CYP19A1: variants seen among roughly 807,000 people sequenced by gnomAD.
CYP19A1 encodes cytochrome P450 family 19 subfamily A member 1.
Under a neutral mutation model 44.4 loss-of-function variants are expected in CYP19A1, and 32 were observed. That is an observed-to-expected ratio of 0.72 (90% CI 0.54 to 0.97). The LOEUF (loss-of-function observed/expected upper bound fraction) is 0.97, where lower values mean the gene tolerates loss of function less well. CYP19A1 is among the 50% of genes least tolerant of loss of function. CYP19A1 has a pLI of 0.00. For synonymous variants in CYP19A1, 212 were observed against 215.6 expected (o/e 0.98, Z 0.14); for missense variants, 598 against 637.8 (o/e 0.94, Z 0.67).
chr15:51,286,031 C>A (rs188499116), intron 1 of CYP19A1, among the ~76,000 whole-genome samples: 1 of 152,234 alleles, frequency 6.6e-6, no homozygotes, highest in Admixed American at 6.5e-5. Context: ...ACATGCATAC[C>A]CACCAGTTCT....
intron 4 of CYP19A1, 138 bp from the exon 5 acceptor site, chr15:51,222,663 T>G: frequency 1.4e-6 from 1 of 731,202 alleles, no homozygotes; most frequent in Non-Finnish European, 2.4e-6. Flanking sequence ...TTCATAATAT[T>G]TTCGTATGCT....
intron 1 of CYP19A1, among the ~76,000 whole-genome samples, chr15:51,326,356 A>G (rs981254921): frequency 6.6e-5 from 10 of 152,252 alleles, no homozygotes; most frequent in African/African-American, 2.4e-4. Context: ...GGGCTGCCTC[A>G]GATGTCCAGA....
At chr15:51,319,272 A>C (rs1380010834) in intron 1 of CYP19A1, among the ~76,000 whole-genome samples, 1 of 152,242 alleles carries the variant, frequency 6.6e-6, no homozygotes, top group African/African-American at 2.4e-5. Flanking sequence ...GCAGATTTTA[A>C]TAGTTATTAA....
chr15:51,241,540 TC>T (rs778976173), intron 2 of CYP19A1, among the ~76,000 whole-genome samples: 6 of 151,976 alleles, frequency 3.9e-5, no homozygotes, highest in Non-Finnish European at 8.8e-5. Flanking sequence ...AAAAAGGCTC[TC>T]CACCCCCACC....
intron 1 of CYP19A1, among the ~76,000 whole-genome samples, chr15:51,249,940 C>T (rs1464412438): frequency 6.6e-6 from 1 of 152,166 alleles, no homozygotes; most frequent in African/African-American, 2.4e-5. Flanking sequence ...AGCAAGCTTC[C>T]AGTGATTCCC....
intron 1 of CYP19A1, among the ~76,000 whole-genome samples, chr15:51,333,637 G>T (rs2036734689): frequency 1.3e-5 from 2 of 152,198 alleles, no homozygotes; most frequent in Non-Finnish European, 2.9e-5. Flanking sequence ...CCTGGTGGAG[G>T]TCAGAGATCA....
At chr15:51,307,081 A>G (rs2036229310) in intron 1 of CYP19A1, among the ~76,000 whole-genome samples, 1 of 152,236 alleles carries the variant, frequency 6.6e-6, no homozygotes, top group African/African-American at 2.4e-5. Context: ...TTGATCGCTG[A>G]GTCTAGACCT....
chr15:51,265,134 C>T (rs535051704), intron 1 of CYP19A1, among the ~76,000 whole-genome samples: 1 of 152,348 alleles, frequency 6.6e-6, no homozygotes, highest in East Asian at 1.9e-4. Flanking sequence ...CCTAACTTCC[C>T]AAGCACACTG....
intron 1 of CYP19A1, among the ~76,000 whole-genome samples, chr15:51,269,023 A>C (rs2035029243): frequency 6.6e-6 from 1 of 151,926 alleles, no homozygotes; most frequent in African/African-American, 2.4e-5. Flanking sequence ...TCTATTGAGG[A>C]TTAAGTTTTA....
intron 1 of CYP19A1, among the ~76,000 whole-genome samples, chr15:51,250,918 A>T (rs1043454520): frequency 6.6e-6 from 1 of 152,198 alleles, no homozygotes; most frequent in African/African-American, 2.4e-5. Context: ...CTGGGCTTTT[A>T]ACCTGAGGAA....
In CYP19A1 at chr15:51,307,490, G is replaced by A. The variant is rs28757102; in HGVS notation, c.-39+31005C>T. On this transcript the variant is annotated intron_variant, in intron 1 of 9. Transcript: ENST00000396402. ...AGAATTAGCTCATGACTAATTAAGA[G>A]TGTCAGAGATTTAAAAAATTAGTCA... Among the ~76,000 whole-genome samples the A allele has an allele frequency of 5.5e-3, 839 of 152,284 alleles. 8 individuals are homozygous for A. Among genetic ancestry groups the A allele is most frequent in the African/African-American group, 0.019 (808 of 41,542 alleles).
intron 3 of CYP19A1, among the ~76,000 whole-genome samples, chr15:51,232,107 C>G (rs533624938): frequency 1.3e-5 from 2 of 152,316 alleles, no homozygotes; most frequent in African/African-American, 4.8e-5. Flanking sequence ...ACATCTCACT[C>G]ATCTACTGGC....
intron 1 of CYP19A1, among the ~76,000 whole-genome samples, chr15:51,288,828 G>T (rs1353501926): frequency 6.6e-6 from 1 of 152,086 alleles, no homozygotes; most frequent in Non-Finnish European, 1.5e-5. Context: ...TGTGCCCTTT[G>T]CCCTCCCAGC....
At chr15:51,241,665 A>G (rs537452984) in intron 2 of CYP19A1, among the ~76,000 whole-genome samples, 7 of 152,154 alleles carry the variant, frequency 4.6e-5, no homozygotes, top group African/African-American at 9.6e-5. Flanking sequence ...GTTAAAGACC[A>G]TGAAACAGTT....
chr15:51,294,357 C>T (rs1173581805), intron 1 of CYP19A1, among the ~76,000 whole-genome samples: 8 of 151,028 alleles, frequency 5.3e-5, no homozygotes, highest in East Asian at 2.0e-4. Context: ...CGCCTCTGCC[C>T]GGCCGCGACC....
chr15:51,210,899 A>T lies in CYP19A1; in HGVS notation c.1421T>A (p.Ile474Lys). The change falls in exon 10 of 10, where the codon ATA becomes AAA. Residue 474 changes from isoleucine (I) to lysine (K), a missense_variant. Ile to Lys is a moderately radical substitution (Grantham distance 102). Coordinates refer to ENST00000396402, the MANE Select transcript of CYP19A1 (RefSeq NM_000103.4). ...QGQCVESIQKIHDLSLHPDET... is the reference protein window; with the variant it reads ...QGQCVESIQKKHDLSLHPDET... ...ATCTGGGTGCAAGGACAAGTCGTGT[A>T]TCTTCTGTATGCTCTCAACACACTG... is the stretch of plus-strand genomic sequence containing the variant. The T allele has an allele frequency of 5.6e-6, 9 of 1,598,060 alleles. No individual in the cohort carries two copies. Among genetic ancestry groups the T allele is most frequent in the Non-Finnish European group, 7.7e-6 (9 of 1,165,392 alleles).
rs538699998 is a variant in CYP19A1, at chr15:51,226,818, C to T, written c.451+961G>A. Among the ~76,000 whole-genome samples the T allele has an allele frequency of 8.5e-5, 13 of 152,258 alleles. 1 individual carries two copies. Among genetic ancestry groups the T allele is most frequent in the African/African-American group, 3.1e-4 (13 of 41,510 alleles). On this transcript the variant is annotated intron_variant, in intron 4 of 9. Transcript: ENST00000396402. ...GAAAACCACTGGATAAGGAAGCTTG[C>T]AACTGGGTCTCAGCTCATTCATTAC... is the stretch of plus-strand genomic sequence containing the variant.
At chr15:51,312,531 T>G (rs1036989072) in intron 1 of CYP19A1, 10 of 152,296 alleles carry the variant, frequency 6.6e-5, no homozygotes, top group Non-Finnish European at 1.0e-4. Flanking sequence ...GCTTCCAAAT[T>G]TGTCCTCTTT....
chr15:51,312,325 T>A (rs960241485), intron 1 of CYP19A1: 1 of 152,264 alleles, frequency 6.6e-6, no homozygotes, highest in South Asian at 2.1e-4. Context: ...TGTCAGACTA[T>A]GTTAACTCAC....
Sources: allele counts gnomAD v4.1 joint callset (sites outside exome capture counted in the v4.1 genomes callset), GRCh38; gene constraint gnomAD v4.1.1; transcripts MANE v1.5; gene names NCBI Gene and HGNC (gene_info 2026-07-23, HGNC 2026-07-21).